The following SUGCT variants were observed in gnomAD, a reference collection of about 807,000 sequenced individuals.
The protein encoded by SUGCT is succinyl-CoA:glutarate CoA-transferase.
A neutral mutation model predicts 55.0 loss-of-function variants in SUGCT; 41 were observed. The observed-to-expected ratio is 0.74, with a 90% confidence interval of 0.58 to 0.97. SUGCT has a LOEUF of 0.97. Ranked by LOEUF, SUGCT falls within the 50% of genes least tolerant of loss-of-function variation. The pLI is 0.00. For synonymous variants in SUGCT, 187 were observed against 200.4 expected, an observed-to-expected ratio of 0.93 and a Z score of 0.56; for missense variants, 568 against 547.8, an observed-to-expected ratio of 1.04 and a Z score of -0.37.
intron 6 of SUGCT, among the ~76,000 whole-genome samples, chr7:40,224,869 T>G (rs962459249): frequency 6.6e-6 from 1 of 152,158 alleles, no homozygotes; most frequent in Non-Finnish European, 1.5e-5. Flanking sequence ...TGGCCTGAAT[T>G]TGGGGAGTGC....
At chr7:40,393,788 T>C (rs903253964) in intron 9 of SUGCT, among the ~76,000 whole-genome samples, 1 of 152,202 alleles carries the variant, frequency 6.6e-6, no homozygotes, top group Admixed American at 6.5e-5. Flanking sequence ...TTAGAGCATG[T>C]GTGGGTCATA....
intron 10 of SUGCT, among the ~76,000 whole-genome samples, chr7:40,454,147 A>C (rs936615124): frequency 6.6e-6 from 1 of 152,204 alleles, no homozygotes; most frequent in Non-Finnish European, 1.5e-5. Flanking sequence ...ACTCAAAACA[A>C]GAAATAACAG....
rs80030194 is a variant in SUGCT, at chr7:40,177,680, T to A, written c.101-3267T>A. Among the ~76,000 whole-genome samples the A allele has an allele frequency of 6.6e-3, 1,004 of 152,284 alleles. 16 individuals are homozygous for A. The highest frequency in any genetic ancestry group is 0.023 in the African/African-American group (955 of 41,544). ...AAGTGCAAACCTCTCAGCTATTGTG[T>A]TGGTATCTTCCTTGTTGTCATCCTG... On this transcript the variant is annotated intron_variant, in intron 1 of 13. Transcript: ENST00000335693.
chr7:40,744,088 A>G (rs1377809059), intron 12 of SUGCT, among the ~76,000 whole-genome samples: 1 of 150,314 alleles, frequency 6.7e-6, no homozygotes, highest in Non-Finnish European at 1.5e-5. Context: ...CACCTGGCTA[A>G]ATTTTTTTTT....
intron 12 of SUGCT, among the ~76,000 whole-genome samples, chr7:40,615,644 T>A (rs550433338): frequency 1.3e-5 from 2 of 152,322 alleles, no homozygotes; most frequent in South Asian, 2.1e-4. Flanking sequence ...GAATACATGA[T>A]CTCCTAGGTT....
intron 12 of SUGCT, among the ~76,000 whole-genome samples, chr7:40,622,388 A>G (rs569828324): frequency 6.6e-6 from 1 of 152,122 alleles, no homozygotes; most frequent in African/African-American, 2.4e-5. Flanking sequence ...CTCAGCTTTC[A>G]TCAAGCTCTC....
At chr7:40,815,891 T>G (rs966826124) in intron 13 of SUGCT, among the ~76,000 whole-genome samples, 3 of 151,796 alleles carry the variant, frequency 2.0e-5, no homozygotes, top group Non-Finnish European at 4.4e-5. Flanking sequence ...CCAGGAAGGG[T>G]GGTGCGGCTC....
At chr7:40,605,052 G>T (rs1293154733) in intron 12 of SUGCT, among the ~76,000 whole-genome samples, 3 of 152,228 alleles carry the variant, frequency 2.0e-5, no homozygotes, top group African/African-American at 7.2e-5. Context: ...ACACGCGTCC[G>T]CCTCTCAGCG....
At chr7:40,817,332 G>C (rs1193780295) in intron 13 of SUGCT, among the ~76,000 whole-genome samples, 1 of 152,092 alleles carries the variant, frequency 6.6e-6, no homozygotes, top group African/African-American at 2.4e-5. Flanking sequence ...TAGATACTAT[G>C]AGAACACAGA....
chr7:40,782,422 T>A (rs942292201), intron 13 of SUGCT, among the ~76,000 whole-genome samples: 1 of 152,320 alleles, frequency 6.6e-6, no homozygotes, highest in Admixed American at 6.5e-5. Context: ...TACAAGCATA[T>A]GCCAGTTTAT....
intron 13 of SUGCT, among the ~76,000 whole-genome samples, chr7:40,858,421 A>G (rs912389225): frequency 1.3e-5 from 2 of 150,928 alleles, no homozygotes; most frequent in South Asian, 2.1e-4. Flanking sequence ...AAAAAAAAAA[A>G]AAAAAAAAGA....
chr7:41,033,166 G>T, the SUGCT span, among the ~76,000 whole-genome samples: 23 of 152,284 alleles, frequency 1.5e-4, no homozygotes, highest in East Asian at 4.3e-3. Context: ...TCAAATTGTA[G>T]GTGGTTCAGG....
chr7:40,586,495 G>A (rs1219745338), intron 12 of SUGCT, among the ~76,000 whole-genome samples: 1 of 152,188 alleles, frequency 6.6e-6, no homozygotes, highest in Non-Finnish European at 1.5e-5. Context: ...CCTCCTGGAG[G>A]AAGAGGAACT....
At chr7:40,250,828 CTTTTTTTTTTTTTTTT>C (rs67372014) in intron 7 of SUGCT, among the ~76,000 whole-genome samples, 3 of 121,266 alleles carry the variant, frequency 2.5e-5, no homozygotes, top group Admixed American at 1.7e-4. Context: ...TTTCACGCTT[CTTTTTTTTTTTTTTTT>C]TTTTTTTTTT....
At chr7:40,504,069 T>G (rs1205188678) in intron 12 of SUGCT, among the ~76,000 whole-genome samples, 1 of 152,152 alleles carries the variant, frequency 6.6e-6, no homozygotes. Context: ...TAACCGTAAA[T>G]GGAAAGATAC....
chr7:40,291,696 A>G (rs543429124), intron 8 of SUGCT, among the ~76,000 whole-genome samples: 2 of 152,054 alleles, frequency 1.3e-5, no homozygotes, highest in African/African-American at 4.8e-5. Flanking sequence ...AATAAAAGTT[A>G]TGTGAATGTG....
At chr7:40,467,490 A>T (rs1020493070) in intron 11 of SUGCT, among the ~76,000 whole-genome samples, 10 of 152,276 alleles carry the variant, frequency 6.6e-5, no homozygotes, top group African/African-American at 2.4e-4. Context: ...CAGTGAAATT[A>T]TATTTTACTG....
intron 12 of SUGCT, among the ~76,000 whole-genome samples, chr7:40,580,644 G>T (rs765136628): frequency 6.6e-5 from 10 of 152,186 alleles, no homozygotes; most frequent in Admixed American, 1.3e-4. Flanking sequence ...ATTGTGGTGG[G>T]TAAAAAGAAA....
intron 9 of SUGCT, among the ~76,000 whole-genome samples, chr7:40,441,614 T>G (rs1788520255): frequency 6.6e-6 from 1 of 152,184 alleles, no homozygotes; most frequent in African/African-American, 2.4e-5. Context: ...TCATGTATAG[T>G]AAGATATTCA....
Sources: allele counts gnomAD v4.1 joint callset (sites outside exome capture counted in the v4.1 genomes callset), GRCh38; gene constraint gnomAD v4.1.1; transcripts MANE v1.5; gene names NCBI Gene and HGNC (gene_info 2026-07-23, HGNC 2026-07-21).